GCH1: variants seen among roughly 807,000 people sequenced by gnomAD.
GCH1 encodes GTP cyclohydrolase I.
Under a neutral mutation model 25.9 loss-of-function variants are expected in GCH1, and 5 were observed. The ratio of observed to expected loss-of-function variants is 0.19; its 90% confidence interval spans 0.10 to 0.41. GCH1 has a LOEUF of 0.41. Among genes scored for constraint, GCH1 ranks in the 10% least tolerant of loss-of-function variants. The pLI, the probability that GCH1 is intolerant of heterozygous loss-of-function variation, is 1.00. For synonymous variants in GCH1, 159 were observed against 129.6 expected (o/e 1.23, Z -1.54); for missense variants, 261 against 336.5 (o/e 0.78, Z 1.75).
At position 54,865,322 on chromosome 14, in the gene GCH1, C is replaced by G. The variant is rs774682169; in HGVS notation, c.453+5G>C. The G allele has an allele frequency of 7.5e-7, 1 of 1,332,092 alleles. No individual in the cohort carries two copies. The highest frequency in any genetic ancestry group is 2.3e-5 in the East Asian group (1 of 43,474). The allele number at this position is 1,332,092 out of a possible 1,614,324, so 82.5% of individuals were successfully genotyped here. On this transcript the variant is annotated splice_donor_5th_base_variant and intron_variant, in intron 2 of 5. Coordinates refer to ENST00000491895, the MANE Select transcript of GCH1 (RefSeq NM_000161.3). ...ATTGCTGGGAAACAACAAAGAGAAC[C>G]TTACCTTTCCAACAAATGGAACCAA...
At chr14:54,872,129 T>A (rs1161497752) in intron 1 of GCH1, among the ~76,000 whole-genome samples, 2 of 152,172 alleles carry the variant, frequency 1.3e-5, no homozygotes, top group Admixed American at 6.6e-5. Flanking sequence ...GGGAAGCCCA[T>A]CGGACTAACA....
At chr14:54,851,899 T>C (rs979041200) in intron 3 of GCH1, among the ~76,000 whole-genome samples, 1 of 152,236 alleles carries the variant, frequency 6.6e-6, no homozygotes, top group East Asian at 1.9e-4. Context: ...TTATAAATCA[T>C]GCTGCTATAA....
At position 54,880,446 on chromosome 14, in the gene GCH1, TC is replaced by T. The variant is rs1394607612; in HGVS notation, c.344-15011del. On this transcript the variant is annotated intron_variant, in intron 1 of 5. Transcript: ENST00000491895. The stretch of plus-strand genomic sequence containing the variant: ...ATATATACTCCATATATATATATAC[TC>T]CATATAAATATATACTCCATATATA... 5.7e-5 allele frequency among the ~76,000 whole-genome samples: 7 copies of T among 122,356 alleles called. 1 individual carries two copies. In the South Asian group the frequency reaches 1.0e-3, roughly 18 times the overall value. The allele number at this position is 122,356 out of a possible 152,430, so 80.3% of individuals were successfully genotyped here.
intron 3 of GCH1, among the ~76,000 whole-genome samples, chr14:54,858,286 T>C (rs1028954507): frequency 1.3e-5 from 2 of 152,126 alleles, no homozygotes; most frequent in African/African-American, 4.8e-5. Context: ...ATTCCTCTTC[T>C]TTTATTTTTA....
In GCH1 at chr14:54,843,979, G is replaced by T; in HGVS notation, c.*38C>A. 1 of 1,614,180 alleles carries T rather than the reference G, an allele frequency of 6.2e-7. No homozygotes were observed. Among genetic ancestry groups the T allele is most frequent in the Non-Finnish European group, 8.5e-7 (1 of 1,180,006 alleles). On this transcript the variant is annotated 3_prime_UTR_variant, in exon 6 of 6. Coordinates refer to ENST00000491895, the MANE Select transcript of GCH1 (RefSeq NM_000161.3). ...GGACAGACAGACAATGCTACTGGCA[G>T]TACGATCGGCAACCAACGCACACAC...
At chr14:54,888,085 G>C (rs1247447172) in intron 1 of GCH1, among the ~76,000 whole-genome samples, 1 of 152,156 alleles carries the variant, frequency 6.6e-6, no homozygotes. Context: ...TAAAGGCTCT[G>C]TCTAATCAAA....
chr14:54,890,863 A>G (rs1351236646), intron 1 of GCH1, among the ~76,000 whole-genome samples: 1 of 152,134 alleles, frequency 6.6e-6, no homozygotes, highest in Non-Finnish European at 1.5e-5. Flanking sequence ...CTTTCTCCAT[A>G]ACATCTGGAC....
At chr14:54,887,874 T>C (rs917271060) in intron 1 of GCH1, among the ~76,000 whole-genome samples, 1 of 152,220 alleles carries the variant, frequency 6.6e-6, no homozygotes, top group African/African-American at 2.4e-5. Context: ...TTTTACATAA[T>C]AAAAAATTAA....
intron 1 of GCH1, among the ~76,000 whole-genome samples, chr14:54,875,048 C>A (rs1271826937): frequency 6.6e-6 from 1 of 152,154 alleles, no homozygotes; most frequent in Non-Finnish European, 1.5e-5. Flanking sequence ...AAGCTGGAGG[C>A]ATCACGCTAC....
chr14:54,897,540 C>T (rs1393094027), intron 1 of GCH1, among the ~76,000 whole-genome samples: 3 of 152,022 alleles, frequency 2.0e-5, no homozygotes, highest in Non-Finnish European at 2.9e-5. Flanking sequence ...CCACCCGCCT[C>T]GGCCTCCCAA....
chr14:54,875,246 G>C (rs2040140917), intron 1 of GCH1, among the ~76,000 whole-genome samples: 1 of 152,178 alleles, frequency 6.6e-6, no homozygotes, highest in Admixed American at 6.5e-5. Context: ...TTAATAAATG[G>C]TGCTGGAAAA....
intron 3 of GCH1, among the ~76,000 whole-genome samples, chr14:54,851,603 C>T (rs1370157896): frequency 2.0e-5 from 3 of 152,168 alleles, no homozygotes; most frequent in Non-Finnish European, 1.5e-5. Context: ...ATTTATGCAG[C>T]CAACAGACAC....
chr14:54,854,725 G>A (rs1566663656), intron 3 of GCH1, among the ~76,000 whole-genome samples: 1 of 152,174 alleles, frequency 6.6e-6, no homozygotes, highest in Non-Finnish European at 1.5e-5. Flanking sequence ...CTGGAGCTAA[G>A]AACAGGAAGT....
At chr14:54,877,647 C>T (rs950687767) in intron 1 of GCH1, among the ~76,000 whole-genome samples, 1 of 152,124 alleles carries the variant, frequency 6.6e-6, no homozygotes, top group Non-Finnish European at 1.5e-5. Flanking sequence ...GCGCAAGCCA[C>T]CATGCCTGGC....
chr14:54,864,794 A>G (rs1187616372), intron 2 of GCH1, among the ~76,000 whole-genome samples: 7 of 152,190 alleles, frequency 4.6e-5, no homozygotes, highest in Non-Finnish European at 7.3e-5. Context: ...AAAGAAATTC[A>G]CAGAGGTGCT....
At position 54,902,572 on chromosome 14, in the gene GCH1, C is replaced by T. The variant is rs1463121244; in HGVS notation, c.92G>A (p.Gly31Glu). The change falls in exon 1 of 6, where the codon GGG (glycine) becomes GAG (glutamate). Residue 31 changes from glycine (G) to glutamate (E), a missense_variant. Physicochemically the swap from Gly to Glu is moderately conservative, Grantham distance 98. Around this residue, in one of 3 missense-constraint regions of GCH1, gnomAD observed 125 missense variants for 128.7 expected, o/e 0.97. Coordinates refer to ENST00000491895, the MANE Select transcript of GCH1 (RefSeq NM_000161.3). Reference sequence around the variant, plus strand: ...GGGCTTCTCCGCCGGCCTGCTGGGCCCGGGCCGCGGCGGATCCCGCTCGGG... The same window carrying T: ...GGGCTTCTCCGCCGGCCTGCTGGGCTCGGGCCGCGGCGGATCCCGCTCGGG... ...GFPERDPPRP[G>E]PSRPAEKPPR... is the part of the protein sequence containing the mutation. 6.7e-7 allele frequency: 1 copy of T among 1,496,206 alleles called. No individual in the cohort carries two copies. The highest frequency in any genetic ancestry group is 8.9e-7 in the Non-Finnish European group (1 of 1,125,406). The allele number at this position is 1,496,206 out of a possible 1,614,324, so 92.7% of individuals were successfully genotyped here.
chr14:54,891,221 G>A (rs2040418067), intron 1 of GCH1, among the ~76,000 whole-genome samples: 1 of 152,048 alleles, frequency 6.6e-6, no homozygotes, highest in Admixed American at 6.6e-5. Context: ...TCCTGCCTCA[G>A]CCTCCCTAGC....
chr14:54,861,323 AAC>A (rs2039893308), intron 2 of GCH1, among the ~76,000 whole-genome samples: 1 of 152,212 alleles, frequency 6.6e-6, no homozygotes, highest in African/African-American at 2.4e-5. Context: ...CTTTCCCATG[AAC>A]CAAGGTCTTC....
chr14:54,882,896 A>C (rs1413830423), intron 1 of GCH1, among the ~76,000 whole-genome samples: 1 of 152,200 alleles, frequency 6.6e-6, no homozygotes, highest in Non-Finnish European at 1.5e-5. Context: ...AGGGGTTCCC[A>C]AATACAGCCA....
Sources: allele counts gnomAD v4.1 joint callset (sites outside exome capture counted in the v4.1 genomes callset), GRCh38; gene constraint gnomAD v4.1.1; regional missense constraint gnomAD v4.1.1; transcripts MANE v1.5; gene names NCBI Gene and HGNC (gene_info 2026-07-23, HGNC 2026-07-21).